SLIT3: variants seen among roughly 807,000 people sequenced by gnomAD.
SLIT3 encodes the protein slit homolog 3 protein.
Under a neutral mutation model 184.0 loss-of-function variants are expected in SLIT3, and 68 were observed. That is an observed-to-expected ratio of 0.37 (90% confidence interval 0.30 to 0.45). SLIT3 has a LOEUF of 0.45. Among genes scored for constraint, SLIT3 ranks in the 20% least tolerant of loss-of-function variants. SLIT3 has a pLI of 1.00. For missense variants in SLIT3, 1,707 were observed against 2,026.0 expected (o/e 0.84, Z 3.02); for synonymous variants, 831 against 828.6 (o/e 1.00, Z -0.05).
chr5:168,795,372 C>A (rs139581700), intron 10 of SLIT3, 135 bp downstream of exon 10: 9 of 702,654 alleles, frequency 1.3e-5, no homozygotes, highest in South Asian at 1.1e-4. Context: ...CTTAGGACAG[C>A]GTTCCAGGTC....
intron 3 of SLIT3, among the ~76,000 whole-genome samples, chr5:169,225,300 A>G (rs1432783213): frequency 6.6e-6 from 1 of 152,232 alleles, no homozygotes; most frequent in Non-Finnish European, 1.5e-5. Context: ...GTGGGAAAAG[A>G]GCAGGCTGAA....
chr5:168,964,069 A>G (rs1161668744), intron 4 of SLIT3, among the ~76,000 whole-genome samples: 1 of 152,254 alleles, frequency 6.6e-6, no homozygotes, highest in Non-Finnish European at 1.5e-5. Context: ...GCAGGGGGCT[A>G]CATAAAAGCA....
chr5:169,021,941 G>GA (rs113024757), intron 4 of SLIT3, among the ~76,000 whole-genome samples: 21,685 of 152,164 alleles, frequency 0.14, 2,804 homozygotes, highest in African/African-American at 0.34. Context: ...TACTGTAATG[G>GA]AAGTACACAT....
chr5:168,972,904 G>A (rs944196937), intron 4 of SLIT3, among the ~76,000 whole-genome samples: 3 of 152,130 alleles, frequency 2.0e-5, no homozygotes, highest in African/African-American at 2.4e-5. Context: ...CCCCCAGGCC[G>A]TGCCACAGAT....
chr5:169,135,775 C>T (rs1011339488), intron 4 of SLIT3, among the ~76,000 whole-genome samples: 2 of 152,228 alleles, frequency 1.3e-5, no homozygotes, highest in Non-Finnish European at 2.9e-5. Flanking sequence ...TGCTTCCAGC[C>T]TTGTCCTTCT....
At chr5:169,125,900 C>CA (rs1229877145) in intron 4 of SLIT3, among the ~76,000 whole-genome samples, 6 of 152,274 alleles carry the variant, frequency 3.9e-5, no homozygotes, top group African/African-American at 1.4e-4. Context: ...GAGACGAAAC[C>CA]AGCTTGCTAC....
At chr5:168,977,158 G>C (rs548277685) in intron 4 of SLIT3, among the ~76,000 whole-genome samples, 2 of 152,240 alleles carry the variant, frequency 1.3e-5, no homozygotes, top group South Asian at 4.1e-4. Flanking sequence ...TAACTTCTGG[G>C]AGTCAATCTG....
At chr5:169,109,030 C>T (rs949025197) in intron 4 of SLIT3, among the ~76,000 whole-genome samples, 2 of 152,124 alleles carry the variant, frequency 1.3e-5, no homozygotes, top group African/African-American at 4.8e-5. Context: ...GTGGGTAAGA[C>T]CTAAGACTTG....
chr5:168,792,742 AG>A (rs1480306296), intron 10 of SLIT3, among the ~76,000 whole-genome samples: 20 of 152,188 alleles, frequency 1.3e-4, no homozygotes, highest in Admixed American at 1.2e-3. Flanking sequence ...TGCAAGACCG[AG>A]GGGCTGTCTC....
At chr5:168,918,485 C>T (rs779747127) in intron 4 of SLIT3, among the ~76,000 whole-genome samples, 23 of 152,226 alleles carry the variant, frequency 1.5e-4, no homozygotes, top group Non-Finnish European at 2.9e-4. Context: ...TGTTTGTCAA[C>T]GGCTGCACTA....
chr5:168,810,174 C>T lies in SLIT3; in HGVS notation c.794-3587G>A, dbSNP rs1393435708. Among the ~76,000 whole-genome samples the T allele has an allele frequency of 2.0e-5, 3 of 152,274 alleles. 1 individual carries two copies. In the South Asian group the frequency reaches 6.2e-4, roughly 32 times the overall value. On this transcript the variant is annotated intron_variant, in intron 8 of 35. Coordinates refer to ENST00000519560, the MANE Select transcript of SLIT3 (RefSeq NM_003062.4). ...AAGTAAGGAAACACCTACCTTTTTA[C>T]CCAGCAAATTATATGACTGTAAGTT...
chr5:168,830,068 T>C (rs1470237011), intron 6 of SLIT3, among the ~76,000 whole-genome samples: 1 of 152,220 alleles, frequency 6.6e-6, no homozygotes, highest in Non-Finnish European at 1.5e-5. Flanking sequence ...GGCCTACTGC[T>C]GATGACCAGG....
At chr5:168,800,373 G>A (rs2113616486) in intron 9 of SLIT3, among the ~76,000 whole-genome samples, 1 of 152,274 alleles carries the variant, frequency 6.6e-6, no homozygotes, top group Middle Eastern at 3.4e-3. Context: ...ATCACCTGAG[G>A]TCAGGAGTTT....
chr5:168,907,688 G>A (rs983122134), intron 4 of SLIT3, among the ~76,000 whole-genome samples: 3 of 151,990 alleles, frequency 2.0e-5, no homozygotes, highest in Non-Finnish European at 2.9e-5. Flanking sequence ...CACAGGAAGC[G>A]TAGAAGCAAT....
At position 169,300,836 on chromosome 5, in the gene SLIT3, G is replaced by A. The variant is rs1767661156; in HGVS notation, c.-127C>T. On this transcript the variant is annotated 5_prime_UTR_variant, in exon 1 of 36. Transcript: ENST00000519560. The surrounding 1 kb of genome is among the most constrained non-coding windows in gnomAD (Gnocchi z 4.1). ...GGCGGAGTTAGCGCGGAGGAGGGGC[G>A]AGCTCGGTGCTCAGGCGCACGGGGC... 5.0e-6 allele frequency: 5 copies of A among 993,336 alleles called. No individual in the cohort carries two copies. In the East Asian group the frequency reaches 1.1e-4, roughly 22 times the overall value. The allele number at this position is 993,336 out of a possible 1,614,324, so 61.5% of individuals were successfully genotyped here.
At chr5:168,669,636 A>C (rs1761172923) in intron 35 of SLIT3, 147 bp downstream of exon 35, 7 of 661,760 alleles carry the variant, frequency 1.1e-5, no homozygotes, top group Non-Finnish European at 1.1e-5. Context: ...TCCGTTTTCA[A>C]GTTGAGGGAA....
At chr5:168,692,004 G>A (rs2113250964) in intron 29 of SLIT3, among the ~76,000 whole-genome samples, 1 of 152,330 alleles carries the variant, frequency 6.6e-6, no homozygotes, top group Non-Finnish European at 1.5e-5. Context: ...ACCTGAGGCA[G>A]CCTCTCCATC....
intron 4 of SLIT3, among the ~76,000 whole-genome samples, chr5:169,009,246 C>A (rs769595463): frequency 1.3e-5 from 2 of 152,172 alleles, no homozygotes; most frequent in African/African-American, 2.4e-5. Context: ...TCCCCTGCAC[C>A]TTTAGAGACC....
At chr5:169,280,564 G>A (rs1247752916) in intron 1 of SLIT3, among the ~76,000 whole-genome samples, 1 of 152,256 alleles carries the variant, frequency 6.6e-6, no homozygotes, top group East Asian at 1.9e-4. Flanking sequence ...AATGTAGTCT[G>A]GGAAGCTACA....
Sources: gnomAD v4.1 joint callset for allele counts (sites outside exome capture counted in the v4.1 genomes callset) on GRCh38, gnomAD v4.1.1 for gene constraint, Gnocchi (gnomAD v3.1) non-coding constraint, MANE v1.5 for transcripts, NCBI Gene and HGNC (gene_info 2026-07-23, HGNC 2026-07-21) for gene names.